The following TEC variants were observed in gnomAD, a reference collection of about 807,000 sequenced individuals.
The protein encoded by TEC is tec protein tyrosine kinase, also known as tyrosine-protein kinase Tec.
TEC carries 72 observed loss-of-function variants against 93.0 expected under a neutral mutation model. The observed-to-expected ratio is 0.77, with a 90% confidence interval of 0.64 to 0.94. The LOEUF (loss-of-function observed/expected upper bound fraction) is 0.94. Among genes scored for constraint, TEC ranks in the 40% least tolerant of loss-of-function variants. TEC has a pLI of 0.00. For synonymous variants in TEC, 249 were observed against 247.7 expected (o/e 1.01, Z -0.05); for missense variants, 630 against 757.9 (o/e 0.83, Z 1.98).
At chr4:48,224,997 T>G (rs543454301) in intron 2 of TEC, among the ~76,000 whole-genome samples, 1 of 152,328 alleles carries the variant, frequency 6.6e-6, no homozygotes, top group Non-Finnish European at 1.5e-5. Context: ...ATTGTTTTTC[T>G]ATTGAAAACA....
chr4:48,218,200 CAAAG>C (rs1049861127), intron 2 of TEC, among the ~76,000 whole-genome samples: 2 of 152,092 alleles, frequency 1.3e-5, no homozygotes, highest in Non-Finnish European at 2.9e-5. Flanking sequence ...ATTTCAGAAA[CAAAG>C]AAATTCAATT....
chr4:48,183,265 A>G (rs1239981450), intron 2 of TEC, among the ~76,000 whole-genome samples: 1 of 152,230 alleles, frequency 6.6e-6, no homozygotes, highest in Non-Finnish European at 1.5e-5. Context: ...CCAAGCTATC[A>G]GCAGGATTAA....
chr4:48,156,316 T>C (rs1720397896), intron 9 of TEC, among the ~76,000 whole-genome samples: 1 of 152,196 alleles, frequency 6.6e-6, no homozygotes, highest in African/African-American at 2.4e-5. Flanking sequence ...AAGATGTTTA[T>C]CTAACCTCAC....
chr4:48,181,172 A>C (rs1721568170), intron 2 of TEC, among the ~76,000 whole-genome samples: 2 of 152,182 alleles, frequency 1.3e-5, no homozygotes, highest in African/African-American at 4.8e-5. Flanking sequence ...CAATTGAACA[A>C]CCAGGTGAAA....
chr4:48,267,109 A>C (rs1724659551), intron 1 of TEC, among the ~76,000 whole-genome samples: 2 of 152,250 alleles, frequency 1.3e-5, no homozygotes, highest in Admixed American at 6.5e-5. Context: ...AAAGGGAGAA[A>C]TGTAACTTGG....
At chr4:48,256,409 C>T (rs1724345480) in intron 1 of TEC, among the ~76,000 whole-genome samples, 1 of 150,910 alleles carries the variant, frequency 6.6e-6, no homozygotes, top group Non-Finnish European at 1.5e-5. Flanking sequence ...CATGACAAAA[C>T]CCTGTCTCTA....
chr4:48,201,573 A>T (rs528923717), intron 2 of TEC, among the ~76,000 whole-genome samples: 2 of 152,310 alleles, frequency 1.3e-5, no homozygotes, highest in East Asian at 3.9e-4. Flanking sequence ...GAAGAGATAC[A>T]CACTAATTAT....
At chr4:48,188,124 G>A (rs4695356) in intron 2 of TEC, among the ~76,000 whole-genome samples, 82,839 of 151,986 alleles carry the variant, frequency 0.55, 22,929 homozygotes, top group Admixed American at 0.64. Context: ...CTTCCTTGTC[G>A]CCCTACTGGA....
At chr4:48,168,649 C>A (rs1000710480) in intron 5 of TEC, 23 bp from the exon 6 acceptor site, 2 of 1,598,550 alleles carry the variant, frequency 1.3e-6, no homozygotes, top group Admixed American at 3.7e-5. Flanking sequence ...ACAACAAAAA[C>A]AGATTAAAAT....
intron 1 of TEC, among the ~76,000 whole-genome samples, chr4:48,252,969 A>G (rs576252984): frequency 8.5e-5 from 13 of 152,170 alleles, no homozygotes; most frequent in Non-Finnish European, 1.5e-4. Flanking sequence ...AACAACATCA[A>G]ATTGGTTCCT....
At chr4:48,146,638 T>C (rs1308624549) in intron 11 of TEC, among the ~76,000 whole-genome samples, 1 of 152,174 alleles carries the variant, frequency 6.6e-6, no homozygotes, top group East Asian at 1.9e-4. Context: ...TTAAAGGATG[T>C]TAAAAGGTTT....
At chr4:48,253,268 G>T (rs975561721) in intron 1 of TEC, among the ~76,000 whole-genome samples, 2 of 152,158 alleles carry the variant, frequency 1.3e-5, no homozygotes, top group Non-Finnish European at 2.9e-5. Context: ...CATCCTAGCA[G>T]CAGCTGTCCT....
chr4:48,145,156 C>G lies in TEC; in HGVS notation c.1393G>C (p.Val465Leu), dbSNP rs780984861. The part of the protein sequence containing the change: ...RQRQGHFSRD[V>L]LLSMCQDVCE... ...ACATCCTGACACATGCTCAGCAGTA[C>G]GTCTCTACTGAAATGACCTTGTCTC... Residue 465 changes from valine (V) to leucine (L), a missense_variant, in exon 14 of 18, where the codon GTA (valine) becomes CTA (leucine). By Grantham distance (32) the Val-to-Leu change is conservative. Coordinates refer to ENST00000381501, the MANE Select transcript of TEC (RefSeq NM_003215.3). 1 of 1,614,076 alleles carries G rather than the reference C, an allele frequency of 6.2e-7. No homozygotes were observed. The highest frequency in any genetic ancestry group is 1.1e-5 in the South Asian group (1 of 91,078).
intron 7 of TEC, among the ~76,000 whole-genome samples, chr4:48,165,106 C>A (rs1421472694): frequency 6.6e-6 from 1 of 152,056 alleles, no homozygotes; most frequent in Non-Finnish European, 1.5e-5. Flanking sequence ...TTTCACTGAG[C>A]CAGAAAGTAG....
chr4:48,145,722 G>A, intron 12 of TEC, 143 bp from the exon 13 acceptor site: 1 of 943,038 alleles, frequency 1.1e-6, no homozygotes, highest in East Asian at 2.6e-5. Context: ...ACACAGAACA[G>A]ACTTGAAACC....
chr4:48,157,656 T>A (rs893268974), intron 8 of TEC, among the ~76,000 whole-genome samples: 2 of 152,146 alleles, frequency 1.3e-5, no homozygotes, highest in Non-Finnish European at 2.9e-5. Context: ...GTTGGAATTA[T>A]AGGCATGCGC....
intron 4 of TEC, 26 bp from the exon 5 acceptor site, chr4:48,170,402 A>T: frequency 1.6e-6 from 2 of 1,285,694 alleles, no homozygotes; most frequent in South Asian, 2.7e-5. Context: ...ATAGTAATTA[A>T]TAGTGAAATA....
intron 17 of TEC, 122 bp downstream of exon 17, chr4:48,138,543 C>A (rs538779293): frequency 5.9e-6 from 7 of 1,180,982 alleles, no homozygotes; most frequent in Non-Finnish European, 8.3e-6. Context: ...TGGCTTCCTA[C>A]CTAGAGCTTG....
At chr4:48,212,904 C>A (rs1722958799) in intron 2 of TEC, among the ~76,000 whole-genome samples, 1 of 152,186 alleles carries the variant, frequency 6.6e-6, no homozygotes, top group Non-Finnish European at 1.5e-5. Flanking sequence ...TTTAATTACT[C>A]CATCCCTAGC....
Sources: gnomAD v4.1 joint callset for allele counts (sites outside exome capture counted in the v4.1 genomes callset) on GRCh38, gnomAD v4.1.1 for gene constraint, MANE v1.5 for transcripts, NCBI Gene and HGNC (gene_info 2026-07-23, HGNC 2026-07-21) for gene names.